CFAP36: variants seen among roughly 807,000 people sequenced by gnomAD.
CFAP36 encodes the protein cilia- and flagella-associated protein 36.
In CFAP36, 37 loss-of-function variants were observed where a neutral mutation model predicts 50.5. The observed-to-expected ratio is 0.73, with a 90% CI of 0.56 to 0.96. The LOEUF (loss-of-function observed/expected upper bound fraction) is 0.96. Ranked by LOEUF, CFAP36 falls within the 50% of genes least tolerant of loss-of-function variation. CFAP36 has a pLI of 0.00. For missense variants in CFAP36, 407 were observed against 396.2 expected, an observed-to-expected ratio of 1.03 and a Z score of -0.23; for synonymous variants, 138 against 128.2, an observed-to-expected ratio of 1.08 and a Z score of -0.52.
rs35228412 is a variant in CFAP36 at position 55,525,632 on chromosome 2, CTT to C, written c.282+1819_282+1820del. Among the ~76,000 whole-genome samples the C allele has an allele frequency of 3.5e-4, 52 of 150,028 alleles. 1 individual carries two copies. The highest frequency in any genetic ancestry group is 1.1e-3 in the African/African-American group (47 of 40,912). On this transcript the variant is annotated intron_variant, in intron 3 of 9. Coordinates refer to ENST00000349456, the MANE Select transcript of CFAP36 (RefSeq NM_080667.7). Reference sequence around the variant, plus strand: ...ACTGCCATTCCAGGTAACTTGCTCTCTTTTTTTTTTCTTTTGAGATAGAGTTT... The same window carrying C: ...ACTGCCATTCCAGGTAACTTGCTCTCTTTTTTTTCTTTTGAGATAGAGTTT...
chr2:55,531,661 A>G (rs1047619012), intron 4 of CFAP36, among the ~76,000 whole-genome samples: 2 of 152,214 alleles, frequency 1.3e-5, no homozygotes, highest in Non-Finnish European at 2.9e-5. Flanking sequence ...AAGAAATGGA[A>G]TATTTCCTCC....
rs529288197 is a variant in CFAP36, at chr2:55,538,393, C to T, written c.640+808C>T. On this transcript the variant is annotated intron_variant, in intron 7 of 9. Coordinates refer to ENST00000349456, the MANE Select transcript of CFAP36 (RefSeq NM_080667.7). ...CACCATAACCTCCACTTCCTGGGTT[C>T]AAGTGATTCTCCTGCCTTAGCCTCC... 9.4e-5 allele frequency among the ~76,000 whole-genome samples: 14 copies of T among 149,236 alleles called. No individual in the cohort carries two copies. In the South Asian group the frequency reaches 3.0e-3, roughly 32 times the overall value.
At chr2:55,531,587 C>T (rs1306354890) in intron 4 of CFAP36, among the ~76,000 whole-genome samples, 1 of 152,210 alleles carries the variant, frequency 6.6e-6, no homozygotes, top group Non-Finnish European at 1.5e-5. Flanking sequence ...CTCTGCCATT[C>T]TCAGAATCTT....
At chr2:55,529,892 C>T (rs1026951617) in intron 4 of CFAP36, among the ~76,000 whole-genome samples, 55 of 152,128 alleles carry the variant, frequency 3.6e-4, no homozygotes, top group Admixed American at 1.1e-3. Flanking sequence ...GTGATCCGCC[C>T]GCCTTGGCCT....
chr2:55,538,414 C>A, intron 7 of CFAP36, among the ~76,000 whole-genome samples: 1 of 151,220 alleles, frequency 6.6e-6, no homozygotes, highest in Admixed American at 6.6e-5. Flanking sequence ...CCTGCCTTAG[C>A]CTCCTGAGTA....
intron 3 of CFAP36, among the ~76,000 whole-genome samples, chr2:55,524,054 G>C (rs944008880): frequency 2.0e-5 from 3 of 152,172 alleles, no homozygotes; most frequent in African/African-American, 7.2e-5. Context: ...CTCAGAACTA[G>C]AATAAGATCA....
At chr2:55,529,128 T>C in intron 4 of CFAP36, 136 bp downstream of exon 4, 1 of 663,336 alleles carries the variant, frequency 1.5e-6, no homozygotes, top group Non-Finnish European at 2.5e-6. Context: ...GACTTGAGAT[T>C]TTAGAGTATA....
chr2:55,523,271 C>T (rs543490169), intron 2 of CFAP36, among the ~76,000 whole-genome samples: 13 of 148,338 alleles, frequency 8.8e-5, no homozygotes, highest in Non-Finnish European at 1.5e-4. Context: ...AAAAATTAGT[C>T]GGGCATTGTG....
intron 7 of CFAP36, among the ~76,000 whole-genome samples, chr2:55,538,148 G>A (rs1684541439): frequency 6.6e-6 from 1 of 152,036 alleles, no homozygotes; most frequent in African/African-American, 2.4e-5. Flanking sequence ...TTCTATATAA[G>A]AAAACAAGTA....
intron 3 of CFAP36, among the ~76,000 whole-genome samples, chr2:55,527,522 C>T (rs527643191): frequency 7.9e-5 from 12 of 152,090 alleles, no homozygotes; most frequent in African/African-American, 1.4e-4. Context: ...GTGGAGGTTG[C>T]GGTGAGCTGA....
intron 7 of CFAP36, among the ~76,000 whole-genome samples, chr2:55,539,714 G>T (rs1015063885): frequency 2.0e-5 from 3 of 152,212 alleles, no homozygotes; most frequent in Admixed American, 6.5e-5. Context: ...TTCTAAAGCG[G>T]CTATACCATT....
At chr2:55,541,045 C>T (rs1448221306) in intron 7 of CFAP36, among the ~76,000 whole-genome samples, 2 of 151,794 alleles carry the variant, frequency 1.3e-5, no homozygotes, top group South Asian at 2.1e-4. Flanking sequence ...AAAAAAAGGC[C>T]AGGAGTAGTG....
At chr2:55,522,878 TC>T (rs1418586511) in intron 2 of CFAP36, among the ~76,000 whole-genome samples, 1 of 151,986 alleles carries the variant, frequency 6.6e-6, no homozygotes, top group East Asian at 2.0e-4. Flanking sequence ...GTGGATTGCT[TC>T]AGCCAAGGAG....
chr2:55,528,949 T>A lies in CFAP36; in HGVS notation c.354T>A (p.Ile118=), dbSNP rs1181047526. ...IFKAMMVQKN[I]EMQLQAIRII... ...AAGCAATGATGGTCCAGAAAAACAT[T>A]GAAATGCAGCTGCAAGCCATTCGAA... Residue 118 remains isoleucine, a synonymous_variant, in exon 4 of 10, where the codon ATT becomes ATA. Transcript: ENST00000349456. 1 of 1,611,984 alleles carries A rather than the reference T, an allele frequency of 6.2e-7. No individual in the cohort carries two copies. The highest frequency in any genetic ancestry group is 2.2e-5 in the East Asian group (1 of 44,800).
intron 7 of CFAP36, chr2:55,538,893 G>A: frequency 6.8e-7 from 1 of 1,476,022 alleles, no homozygotes; most frequent in Non-Finnish European, 9.0e-7. Flanking sequence ...TTCTATAATT[G>A]AGATTAGTGT....
chr2:55,528,344 T>C (rs1355350396), intron 3 of CFAP36, among the ~76,000 whole-genome samples: 2 of 152,026 alleles, frequency 1.3e-5, no homozygotes, highest in Non-Finnish European at 1.5e-5. Context: ...TCTTTTTTTT[T>C]AAACAACTTT....
intron 3 of CFAP36, among the ~76,000 whole-genome samples, chr2:55,526,235 T>A (rs919366913): frequency 5.3e-5 from 8 of 152,250 alleles, no homozygotes; most frequent in Admixed American, 3.9e-4. Context: ...CTGTGTTTAG[T>A]ATATTTGCAT....
Position 55,519,722 on chromosome 2 carries a change from C to A in CFAP36, c.-80C>A, listed in dbSNP as rs1197199745. Reference sequence around the variant, plus strand: ...GGCCAGCTCTTCCCCTACTCCCTCTCGGCTCCTTGTGGCCCAAAGGCCTAA... The same window carrying A: ...GGCCAGCTCTTCCCCTACTCCCTCTAGGCTCCTTGTGGCCCAAAGGCCTAA... On this transcript the variant is annotated 5_prime_UTR_variant, in exon 1 of 10. Transcript: ENST00000349456. 3.6e-6 allele frequency: 5 copies of A among 1,397,786 alleles called. No individual in the cohort carries two copies. In the African/African-American group the frequency reaches 4.3e-5, roughly 12 times the overall value. 86.6% of individuals were successfully genotyped at this position (1,397,786 alleles called of 1,614,324 possible). A position where few individuals can be genotyped will look rare whatever the true frequency, so the allele number is the denominator to read the frequency against.
At chr2:55,539,895 A>G (rs569080452) in intron 7 of CFAP36, among the ~76,000 whole-genome samples, 16 of 152,252 alleles carry the variant, frequency 1.1e-4, no homozygotes, top group African/African-American at 3.4e-4. Context: ...TATGCTTGTC[A>G]TCTATGTATC....
Sources: gnomAD v4.1 joint callset for allele counts (sites outside exome capture counted in the v4.1 genomes callset) on GRCh38, gnomAD v4.1.1 for gene constraint, MANE v1.5 for transcripts, NCBI Gene and HGNC (gene_info 2026-07-23, HGNC 2026-07-21) for gene names.